Variants in MEMO1 observed in about 807,000 individuals in gnomAD.
MEMO1 encodes mediator of cell motility 1.
Under a neutral mutation model 45.2 loss-of-function variants are expected in MEMO1, and 6 were observed. The observed-to-expected ratio is 0.13, with a 90% CI of 0.07 to 0.26. The LOEUF is 0.26. Among genes scored for constraint, MEMO1 ranks in the 10% least tolerant of loss-of-function variants. The pLI, the probability that MEMO1 is intolerant of heterozygous loss-of-function variation, is 1.00. For missense variants in MEMO1, 184 were observed against 370.5 expected, an observed-to-expected ratio of 0.50 and a Z score of 4.13; for synonymous variants, 78 against 124.3, an observed-to-expected ratio of 0.63 and a Z score of 2.48.
rs552536092 is a variant in MEMO1, at chr2:31,936,789, CAAAGAGGATA to C, written c.144-4664_144-4655del. On this transcript the variant is annotated intron_variant, in intron 3 of 9. Coordinates refer to ENST00000404530, the MANE Select transcript of MEMO1 (RefSeq NM_001301833.4). The stretch of plus-strand genomic sequence containing the variant: ...ACACATTCTATGTAAGGCTTTTCAT[CAAAGAGGATA>C]CAGGGAATAATAAAGGAATACTTAA... 1.4e-4 allele frequency among the ~76,000 whole-genome samples: 21 copies of C among 152,222 alleles called. No homozygotes were observed. The South Asian group carries it at 4.4e-3, about 32-fold the overall frequency.
At chr2:32,004,771 A>G (rs1316700370) in intron 2 of MEMO1, among the ~76,000 whole-genome samples, 2 of 152,052 alleles carry the variant, frequency 1.3e-5, no homozygotes, top group Non-Finnish European at 2.9e-5. Flanking sequence ...TACTAAAAAT[A>G]CAAAAATTAT....
chr2:31,941,608 A>C (rs1665625497), intron 3 of MEMO1, among the ~76,000 whole-genome samples: 1 of 152,224 alleles, frequency 6.6e-6, no homozygotes, highest in South Asian at 2.1e-4. Flanking sequence ...CTGGTATGTA[A>C]ATGACTAAAT....
At chr2:32,003,365 C>T (rs1022252025) in intron 2 of MEMO1, among the ~76,000 whole-genome samples, 1 of 152,152 alleles carries the variant, frequency 6.6e-6, no homozygotes, top group Admixed American at 6.5e-5. Context: ...TCCATGACAG[C>T]CGTGATTATA....
intron 8 of MEMO1, among the ~76,000 whole-genome samples, chr2:31,880,588 T>C (rs1185051640): frequency 6.6e-6 from 1 of 152,270 alleles, no homozygotes; most frequent in Non-Finnish European, 1.5e-5. Context: ...AACACATTGG[T>C]AGAGCTGATT....
At position 32,006,149 on chromosome 2, in the gene MEMO1, T is replaced by C. The variant is rs938914473; in HGVS notation, c.61+4038A>G. On this transcript the variant is annotated intron_variant, in intron 2 of 9. Coordinates refer to ENST00000404530, the MANE Select transcript of MEMO1 (RefSeq NM_001301833.4). The stretch of plus-strand genomic sequence containing the variant: ...ATAGAGATAGGAAGATGGCAAGTTA[T>C]GAGGGGACTTAGACCTTAACCAAGA... Among the ~76,000 whole-genome samples the C allele has an allele frequency of 1.4e-4, 21 of 152,282 alleles. No individual in the cohort carries two copies. The East Asian group carries it at 4.0e-3, about 29-fold the overall frequency.
intron 2 of MEMO1, among the ~76,000 whole-genome samples, chr2:31,956,685 A>C (rs1318995554): frequency 6.6e-6 from 1 of 152,236 alleles, no homozygotes; most frequent in Non-Finnish European, 1.5e-5. Context: ...GAAAACAATG[A>C]AGCAAAATTT....
intron 2 of MEMO1, among the ~76,000 whole-genome samples, chr2:31,966,171 CA>C (rs1482742198): frequency 1.3e-5 from 2 of 152,154 alleles, no homozygotes; most frequent in Non-Finnish European, 2.9e-5. Context: ...AAAATTCTCA[CA>C]AGTCTAAATG....
At chr2:31,948,727 C>G (rs1350441041) in intron 2 of MEMO1, among the ~76,000 whole-genome samples, 1 of 152,142 alleles carries the variant, frequency 6.6e-6, no homozygotes, top group Non-Finnish European at 1.5e-5. Flanking sequence ...GCCGAAACCC[C>G]GTCTCTACTA....
Position 31,966,268 on chromosome 2 carries a change from T to A in MEMO1, c.62-22885A>T, listed in dbSNP as rs144637571. Reference sequence around the variant, plus strand: ...GCTCTGTATACCTCCACTGTTTAAATAGAGACTTATTTTAGGATGAACAGA... The same window carrying A: ...GCTCTGTATACCTCCACTGTTTAAAAAGAGACTTATTTTAGGATGAACAGA... On this transcript the variant is annotated intron_variant, in intron 2 of 9. Transcript: ENST00000404530. Among the ~76,000 whole-genome samples the A allele has an allele frequency of 8.9e-4, 136 of 152,108 alleles. 2 individuals are homozygous for A. The East Asian group carries it at 0.021, about 24-fold the overall frequency.
At chr2:31,981,716 T>C (rs1374498416) in intron 2 of MEMO1, among the ~76,000 whole-genome samples, 1 of 152,196 alleles carries the variant, frequency 6.6e-6, no homozygotes, top group African/African-American at 2.4e-5. Context: ...AATAAATTTA[T>C]TTTCCAAACA....
chr2:31,980,817 C>G (rs1386417599), intron 2 of MEMO1, among the ~76,000 whole-genome samples: 1 of 152,128 alleles, frequency 6.6e-6, no homozygotes, highest in Admixed American at 6.5e-5. Flanking sequence ...TTGTTGACCA[C>G]AGCCAAATGC....
intron 6 of MEMO1, among the ~76,000 whole-genome samples, chr2:31,912,389 TG>T (rs1680701691): frequency 6.6e-6 from 1 of 151,846 alleles, no homozygotes; most frequent in Non-Finnish European, 1.5e-5. Flanking sequence ...GGCACTTGCC[TG>T]TAATCCCAGC....
intron 2 of MEMO1, among the ~76,000 whole-genome samples, chr2:32,006,553 T>C (rs1674092595): frequency 6.6e-6 from 1 of 150,676 alleles, no homozygotes; most frequent in Non-Finnish European, 1.5e-5. Context: ...AAACAACCCA[T>C]TAAATATTAA....
At chr2:31,887,665 T>A (rs1676397458) in intron 7 of MEMO1, among the ~76,000 whole-genome samples, 2 of 152,166 alleles carry the variant, frequency 1.3e-5, no homozygotes, top group Admixed American at 6.6e-5. Flanking sequence ...ATGCTTTCAA[T>A]CTGAAGTGCT....
chr2:31,996,833 C>A (rs1179168934), intron 2 of MEMO1, among the ~76,000 whole-genome samples: 1 of 152,076 alleles, frequency 6.6e-6, no homozygotes, highest in African/African-American at 2.4e-5. Flanking sequence ...TGGGCTCAAG[C>A]AATCATCCTG....
intron 7 of MEMO1, among the ~76,000 whole-genome samples, chr2:31,890,540 G>A (rs939928042): frequency 1.3e-5 from 2 of 151,964 alleles, no homozygotes; most frequent in Non-Finnish European, 2.9e-5. Context: ...TGTAACTTCT[G>A]CCAAAGGTAG....
intron 3 of MEMO1, among the ~76,000 whole-genome samples, chr2:31,939,211 A>G (rs1193193112): frequency 6.6e-6 from 1 of 152,056 alleles, no homozygotes; most frequent in Non-Finnish European, 1.5e-5. Flanking sequence ...ATGTTAACGA[A>G]ATAGAAATTG....
At chr2:31,913,380 T>G (rs1027214846) in intron 6 of MEMO1, among the ~76,000 whole-genome samples, 1 of 151,920 alleles carries the variant, frequency 6.6e-6, no homozygotes, top group Non-Finnish European at 1.5e-5. Context: ...CAAGAACTGA[T>G]TAAAGCATTA....
chr2:31,978,197 G>A (rs1447688862), intron 2 of MEMO1, among the ~76,000 whole-genome samples: 1 of 152,016 alleles, frequency 6.6e-6, no homozygotes, highest in Non-Finnish European at 1.5e-5. Flanking sequence ...GATCAGCCTG[G>A]CCAACATGGT....
Sources: gnomAD v4.1 joint callset for allele counts (sites outside exome capture counted in the v4.1 genomes callset) on GRCh38, gnomAD v4.1.1 for gene constraint, MANE v1.5 for transcripts, NCBI Gene and HGNC (gene_info 2026-07-23, HGNC 2026-07-21) for gene names.